Variants in SFMBT2 observed in about 807,000 individuals in gnomAD.
The protein encoded by SFMBT2 is Scm like with four mbt domains 2.
SFMBT2 carries 38 observed loss-of-function variants against 110.1 expected under a neutral mutation model. That is an observed-to-expected ratio of 0.35 (90% CI 0.27 to 0.45). The LOEUF (loss-of-function observed/expected upper bound fraction) is 0.45. SFMBT2 is among the 20% of genes least tolerant of loss of function. The probability of loss-of-function intolerance (pLI) is 1.00; values close to 1 mark genes in which losing one functional copy is unlikely to be tolerated. For synonymous variants in SFMBT2, 425 were observed against 425.4 expected, an observed-to-expected ratio of 1.00 and a Z score of 0.01; for missense variants, 1,011 against 1,094.9, an observed-to-expected ratio of 0.92 and a Z score of 1.08.
chr10:7,259,604 C>T (rs1279027207), intron 7 of SFMBT2, among the ~76,000 whole-genome samples: 2 of 152,226 alleles, frequency 1.3e-5, no homozygotes, highest in East Asian at 1.9e-4. Context: ...AGGGCACATG[C>T]CCCTGGCCCC....
intron 7 of SFMBT2, 127 bp from the exon 8 acceptor site, chr10:7,248,776 G>C (rs1278162037): frequency 1.4e-6 from 1 of 736,678 alleles, no homozygotes; most frequent in African/African-American, 1.8e-5. Flanking sequence ...AACCTTCCCT[G>C]TTTCGAATTT....
At chr10:7,196,028 G>A (rs943814578) in intron 15 of SFMBT2, among the ~76,000 whole-genome samples, 17 of 152,094 alleles carry the variant, frequency 1.1e-4, no homozygotes, top group Non-Finnish European at 2.5e-4. Context: ...CTGATGACCA[G>A]GAAGAGAAAA....
intron 4 of SFMBT2, among the ~76,000 whole-genome samples, chr10:7,340,735 C>T (rs532330372): frequency 5.3e-5 from 8 of 150,852 alleles, no homozygotes; most frequent in Non-Finnish European, 8.8e-5. Flanking sequence ...CTTAGGAGCC[C>T]GTCTGTGACC....
chr10:7,228,457 G>A (rs1377734426), intron 9 of SFMBT2: 1 of 590,094 alleles, frequency 1.7e-6, no homozygotes, highest in Non-Finnish European at 2.1e-6. Context: ...ACAAAGAGTA[G>A]AGGGTTTGGA....
At chr10:7,338,863 A>T (rs997155520) in intron 4 of SFMBT2, among the ~76,000 whole-genome samples, 4 of 152,150 alleles carry the variant, frequency 2.6e-5, no homozygotes, top group African/African-American at 4.8e-5. Flanking sequence ...TTTGTCTCTC[A>T]ATGTTACAAC....
At chr10:7,220,567 C>A (rs1442726463) in intron 10 of SFMBT2, 30 bp from the exon 11 acceptor site, 1 of 1,613,414 alleles carries the variant, frequency 6.2e-7, no homozygotes. Flanking sequence ...AACACTGAGC[C>A]AGTGCTGACG....
chr10:7,285,981 C>A (rs569683650), intron 4 of SFMBT2, 27 bp from the exon 5 acceptor site: 1 of 853,178 alleles, frequency 1.2e-6, no homozygotes, highest in Non-Finnish European at 2.0e-6. Flanking sequence ...GAAAGAAAAA[C>A]AAAACAAAAC....
chr10:7,208,561 C>A (rs1378491006), intron 11 of SFMBT2, among the ~76,000 whole-genome samples: 2 of 151,980 alleles, frequency 1.3e-5, no homozygotes, highest in Non-Finnish European at 2.9e-5. Flanking sequence ...TGGAGGGTGC[C>A]TGTAATCCCA....
At chr10:7,343,876 G>A (rs1400978656) in intron 4 of SFMBT2, among the ~76,000 whole-genome samples, 1 of 152,172 alleles carries the variant, frequency 6.6e-6, no homozygotes, top group Non-Finnish European at 1.5e-5. Flanking sequence ...TTCAATGGCT[G>A]TTCTGTTCCT....
At chr10:7,379,173 G>C (rs543637175) in intron 2 of SFMBT2, among the ~76,000 whole-genome samples, 1 of 152,222 alleles carries the variant, frequency 6.6e-6, no homozygotes, top group South Asian at 2.1e-4. Context: ...TTCAGAACCA[G>C]CTAAAGAACA....
chr10:7,198,137 A>G, intron 14 of SFMBT2: 1 of 985,398 alleles, frequency 1.0e-6, no homozygotes, highest in Non-Finnish European at 1.2e-6. Context: ...TATATGATAT[A>G]TTAAACATAT....
intron 2 of SFMBT2, among the ~76,000 whole-genome samples, chr10:7,379,712 A>G (rs1845369371): frequency 6.6e-6 from 1 of 152,252 alleles, no homozygotes; most frequent in South Asian, 2.1e-4. Flanking sequence ...TAGTATTTCC[A>G]TTAAAGATCT....
intron 16 of SFMBT2, among the ~76,000 whole-genome samples, chr10:7,183,635 C>A (rs1005210005): frequency 1.3e-5 from 2 of 152,126 alleles, no homozygotes; most frequent in Non-Finnish European, 2.9e-5. Flanking sequence ...AGGAGAGAGA[C>A]GTAAGAGTAA....
At chr10:7,190,364 C>T (rs1467244468) in intron 15 of SFMBT2, among the ~76,000 whole-genome samples, 2 of 152,186 alleles carry the variant, frequency 1.3e-5, no homozygotes, top group East Asian at 1.9e-4. Context: ...CATTGGGTTT[C>T]GCTGAGAAAA....
At chr10:7,212,888 T>C (rs1839397206) in intron 11 of SFMBT2, among the ~76,000 whole-genome samples, 1 of 152,190 alleles carries the variant, frequency 6.6e-6, no homozygotes, top group African/African-American at 2.4e-5. Flanking sequence ...CACCATGGAA[T>C]ACTATGCAGC....
At chr10:7,288,197 C>T (rs1255306515) in intron 4 of SFMBT2, among the ~76,000 whole-genome samples, 1 of 152,190 alleles carries the variant, frequency 6.6e-6, no homozygotes, top group South Asian at 2.1e-4. Flanking sequence ...TCATCACTAA[C>T]GTGCCTCTCA....
At chr10:7,257,621 G>C (rs987309571) in intron 7 of SFMBT2, among the ~76,000 whole-genome samples, 1 of 151,942 alleles carries the variant, frequency 6.6e-6, no homozygotes, top group Non-Finnish European at 1.5e-5. Flanking sequence ...AGAGAAGACA[G>C]AAAAGAAAGA....
rs546713843 is a variant in SFMBT2 at position 7,242,158 on chromosome 10, G to A, written c.1120+1400C>T. 1.2e-4 allele frequency among the ~76,000 whole-genome samples: 19 copies of A among 152,200 alleles called. No individual in the cohort carries two copies. The South Asian group carries it at 3.3e-3, about 27-fold the overall frequency. On this transcript the variant is annotated intron_variant, in intron 9 of 20. Transcript: ENST00000397167. ...ACTTCCCACCTACTACCAATAGGTC[G>A]TTGATAATATGACTCCCCCAAGGCC...
At chr10:7,398,871 C>T (rs1348893545) in intron 1 of SFMBT2, among the ~76,000 whole-genome samples, 2 of 152,086 alleles carry the variant, frequency 1.3e-5, no homozygotes, top group African/African-American at 4.8e-5. Flanking sequence ...TTGTCCATAC[C>T]GCCATGAGAC....
Sources: gnomAD v4.1 joint callset for allele counts (sites outside exome capture counted in the v4.1 genomes callset) on GRCh38, gnomAD v4.1.1 for gene constraint, MANE v1.5 for transcripts, NCBI Gene and HGNC (gene_info 2026-07-23, HGNC 2026-07-21) for gene names.